KCNMA1: variants seen among roughly 807,000 people sequenced by gnomAD.
The protein encoded by KCNMA1 is Calcium-activated potassium channel subunit alpha-1.
A neutral mutation model predicts 140.0 loss-of-function variants in KCNMA1; 29 were observed. That is an observed-to-expected ratio of 0.21 (90% CI 0.15 to 0.28). KCNMA1 has a LOEUF of 0.28. Among genes scored for constraint, KCNMA1 ranks in the 10% least tolerant of loss-of-function variants. KCNMA1 has a pLI of 1.00. For synonymous variants in KCNMA1, 612 were observed against 611.9 expected, an observed-to-expected ratio of 1.00 and a Z score of 0.00; for missense variants, 880 against 1,602.2, an observed-to-expected ratio of 0.55 and a Z score of 7.70.
intron 16 of KCNMA1, chr10:77,025,569 T>C: frequency 1.2e-6 from 1 of 859,022 alleles, no homozygotes; most frequent in Non-Finnish European, 1.9e-6. Flanking sequence ...GAAGGATGCA[T>C]GTGAAAACAA....
intron 1 of KCNMA1, among the ~76,000 whole-genome samples, chr10:77,540,920 G>A (rs1232908532): frequency 5.9e-5 from 9 of 151,744 alleles, no homozygotes; most frequent in East Asian, 3.9e-4. Flanking sequence ...CAGGAGAATC[G>A]CTTGAACCCA....
At chr10:77,267,067 G>C (rs1395499574) in intron 2 of KCNMA1, among the ~76,000 whole-genome samples, 1 of 152,160 alleles carries the variant, frequency 6.6e-6, no homozygotes, top group South Asian at 2.1e-4. Context: ...GCAGGCTGTG[G>C]AGTCTAGGGG....
intron 13 of KCNMA1, chr10:77,077,791 G>T (rs2096443745): frequency 6.6e-6 from 1 of 152,204 alleles, no homozygotes; most frequent in Admixed American, 6.5e-5. Context: ...TACAAGGGCT[G>T]CCATCAAAAA....
chr10:77,331,902 T>C (rs373066099), intron 2 of KCNMA1, among the ~76,000 whole-genome samples: 5 of 152,122 alleles, frequency 3.3e-5, no homozygotes, highest in Non-Finnish European at 5.9e-5. Flanking sequence ...AAGAAATACA[T>C]TGGGGATTAT....
At chr10:77,017,053 G>A (rs1234152916) in intron 17 of KCNMA1, among the ~76,000 whole-genome samples, 1 of 152,128 alleles carries the variant, frequency 6.6e-6, no homozygotes, top group Non-Finnish European at 1.5e-5. Flanking sequence ...TTACAGCCTG[G>A]TGTTGTAGCT....
At chr10:77,171,839 T>C (rs1193515071) in intron 5 of KCNMA1, among the ~76,000 whole-genome samples, 1 of 152,188 alleles carries the variant, frequency 6.6e-6, no homozygotes, top group African/African-American at 2.4e-5. Flanking sequence ...GAAACATGTT[T>C]ATATTTTAGA....
chr10:77,487,169 T>A (rs4979884), intron 1 of KCNMA1, among the ~76,000 whole-genome samples: 11,827 of 152,246 alleles, frequency 0.078, 1,322 homozygotes, highest in African/African-American at 0.25. Flanking sequence ...AGAATCTAGA[T>A]GAGTAAACCC....
At chr10:77,133,213 GA>G (rs540392488) in intron 5 of KCNMA1, among the ~76,000 whole-genome samples, 8 of 139,842 alleles carry the variant, frequency 5.7e-5, no homozygotes, top group African/African-American at 1.3e-4. Flanking sequence ...CCAATGAAAA[GA>G]AAAAAAAAAT....
chr10:76,911,046 G>A (rs998440534), intron 24 of KCNMA1: 1 of 151,850 alleles, frequency 6.6e-6, no homozygotes, highest in East Asian at 1.9e-4. Flanking sequence ...TGGGAGAAGG[G>A]GGCACTCAAA....
At chr10:77,159,343 TA>T (rs780468796) in intron 5 of KCNMA1, among the ~76,000 whole-genome samples, 1 of 152,204 alleles carries the variant, frequency 6.6e-6, no homozygotes, top group African/African-American at 2.4e-5. Context: ...CGTTGCCTTT[TA>T]TTTTTTTGTT....
At chr10:77,385,942 G>C (rs1185756395) in intron 2 of KCNMA1, among the ~76,000 whole-genome samples, 6 of 152,058 alleles carry the variant, frequency 3.9e-5, no homozygotes, top group Admixed American at 3.9e-4. Context: ...GTGAAGGAAG[G>C]GGTCACAGGG....
intron 2 of KCNMA1, among the ~76,000 whole-genome samples, chr10:77,360,906 T>C (rs1436746938): frequency 2.0e-5 from 3 of 152,080 alleles, no homozygotes; most frequent in Non-Finnish European, 4.4e-5. Flanking sequence ...ACTGCCAGGA[T>C]GAGGGAGCCG....
chr10:77,085,604 T>A (rs867433954), intron 11 of KCNMA1, among the ~76,000 whole-genome samples: 16 of 152,290 alleles, frequency 1.1e-4, no homozygotes, highest in African/African-American at 3.9e-4. Context: ...ACTTAATAGA[T>A]CATTCCTGGA....
chr10:77,178,166 G>A (rs2098769917), intron 5 of KCNMA1, among the ~76,000 whole-genome samples: 1 of 152,170 alleles, frequency 6.6e-6, no homozygotes, highest in South Asian at 2.1e-4. Context: ...CAAGTTTATA[G>A]TTTTCCAATC....
chr10:77,070,498 G>C (rs1247787), intron 14 of KCNMA1, among the ~76,000 whole-genome samples: 6,481 of 152,132 alleles, frequency 0.043, 460 homozygotes, highest in East Asian at 0.24. Flanking sequence ...TTCCAGAAAT[G>C]CTAATTGTTC....
At chr10:77,353,709 T>A (rs1325220460) in intron 2 of KCNMA1, among the ~76,000 whole-genome samples, 1 of 152,106 alleles carries the variant, frequency 6.6e-6, no homozygotes, top group Admixed American at 6.6e-5. Context: ...GATGAAACAA[T>A]TGAGGCCAAA....
intron 9 of KCNMA1, among the ~76,000 whole-genome samples, chr10:77,096,220 C>T (rs929785209): frequency 2.0e-5 from 3 of 152,116 alleles, no homozygotes; most frequent in African/African-American, 7.2e-5. Context: ...GGGAGGATAA[C>T]CTAAGCTGGG....
At chr10:77,599,623 G>A (rs2082009817) in intron 1 of KCNMA1, among the ~76,000 whole-genome samples, 1 of 152,196 alleles carries the variant, frequency 6.6e-6, no homozygotes, top group Non-Finnish European at 1.5e-5. Context: ...GATTAAGTAA[G>A]TTCCCACTGC....
At chr10:77,270,483 TTTCTTTCC>T (rs2064733603) in intron 2 of KCNMA1, among the ~76,000 whole-genome samples, 3 of 151,910 alleles carry the variant, frequency 2.0e-5, no homozygotes, top group African/African-American at 7.3e-5. Flanking sequence ...CTTTCTTTCC[TTTCTTTCC>T]TTTCTTTCTT....
Sources: gnomAD v4.1 joint callset for allele counts (sites outside exome capture counted in the v4.1 genomes callset) on GRCh38, gnomAD v4.1.1 for gene constraint, MANE v1.5 for transcripts, NCBI Gene and HGNC (gene_info 2026-07-23, HGNC 2026-07-21) for gene names.